The following KCTD3 variants were observed in gnomAD, a reference collection of about 807,000 sequenced individuals.
KCTD3 encodes the protein BTB/POZ domain-containing protein KCTD3.
KCTD3 carries 41 observed loss-of-function variants against 85.8 expected under a neutral mutation model. The observed-to-expected ratio is 0.48, with a 90% CI of 0.37 to 0.62. KCTD3 has a LOEUF of 0.62. KCTD3 is among the 20% of genes least tolerant of loss of function. The probability of loss-of-function intolerance (pLI) is 0.00; values close to 1 mark genes in which losing one functional copy is unlikely to be tolerated. For synonymous variants in KCTD3, 338 were observed against 345.4 expected, an observed-to-expected ratio of 0.98 and a Z score of 0.24; for missense variants, 724 against 989.9, an observed-to-expected ratio of 0.73 and a Z score of 3.60.
At chr1:215,575,584 A>G (rs543984656) in intron 3 of KCTD3, among the ~76,000 whole-genome samples, 30 of 152,174 alleles carry the variant, frequency 2.0e-4, no homozygotes, top group Non-Finnish European at 3.5e-4. Flanking sequence ...TCAGATAAAA[A>G]TGTTTCCTCA....
At chr1:215,616,505 A>G (rs555174128) in intron 15 of KCTD3, among the ~76,000 whole-genome samples, 1 of 152,290 alleles carries the variant, frequency 6.6e-6, no homozygotes, top group African/African-American at 2.4e-5. Flanking sequence ...TCACACCTGT[A>G]ATCCCAGCAC....
At chr1:215,597,416 GA>G (rs1276383498) in intron 10 of KCTD3, among the ~76,000 whole-genome samples, 3 of 152,004 alleles carry the variant, frequency 2.0e-5, no homozygotes, top group African/African-American at 7.3e-5. Flanking sequence ...TTCCCAAGTT[GA>G]TATTTTAAAT....
intron 10 of KCTD3, among the ~76,000 whole-genome samples, chr1:215,598,063 A>G (rs1245720195): frequency 1.3e-5 from 2 of 152,102 alleles, no homozygotes; most frequent in Non-Finnish European, 2.9e-5. Context: ...TATACTAAGT[A>G]TTAAGTTAAT....
Position 215,573,819 on chromosome 1 carries a change from TC to T in KCTD3, c.119del (p.Pro40GlnfsTer9). On this transcript the variant is annotated frameshift_variant, in exon 2 of 18. Transcript: ENST00000259154. LOFTEE classifies it high-confidence loss of function. ...STSRQTLMWI[P>X]DSFFSSLLSG... ...CCTCAAGACAAACTCTTATGTGGATTCCAGATTCTTTTTTTTCCAGGTATGT... is the reference window on the plus strand; with the variant it reads ...CCTCAAGACAAACTCTTATGTGGATTCAGATTCTTTTTTTTCCAGGTATGT... 1 of 1,574,268 alleles carries T rather than the reference TC, an allele frequency of 6.4e-7. No individual in the cohort carries two copies. Among genetic ancestry groups the T allele is most frequent in the Non-Finnish European group, 8.7e-7 (1 of 1,149,494 alleles).
rs1308310718 is a variant in KCTD3, at chr1:215,620,960, A to G, written c.*342A>G. ...ATCCCTTTAGATCATGGGAACCAGCAGACTGCATTCCTAATCTTCATTATG... is the reference window on the plus strand; with the variant it reads ...ATCCCTTTAGATCATGGGAACCAGCGGACTGCATTCCTAATCTTCATTATG... On this transcript the variant is annotated 3_prime_UTR_variant, in exon 18 of 18. Coordinates refer to ENST00000259154, the MANE Select transcript of KCTD3 (RefSeq NM_016121.5). 28 of 271,974 alleles carry G rather than the reference A, an allele frequency of 1.0e-4. No homozygotes were observed. Among genetic ancestry groups the G allele is most frequent in the Non-Finnish European group, 2.7e-5 (4 of 146,286 alleles). The allele number at this position is 271,974 out of a possible 1,614,324, so 16.8% of individuals were successfully genotyped here. A position where few individuals can be genotyped will look rare whatever the true frequency, so the allele number is the denominator to read the frequency against.
chr1:215,609,509 A>G (rs1400699129), intron 14 of KCTD3, among the ~76,000 whole-genome samples: 2 of 151,980 alleles, frequency 1.3e-5, no homozygotes, highest in Non-Finnish European at 2.9e-5. Context: ...AGACCTTTTG[A>G]AGAATTTTGA....
At chr1:215,593,010 G>A (rs1409413043) in intron 9 of KCTD3, among the ~76,000 whole-genome samples, 2 of 152,180 alleles carry the variant, frequency 1.3e-5, no homozygotes, top group African/African-American at 4.8e-5. Flanking sequence ...CTCCTCTGGA[G>A]TAATCGATGT....
At chr1:215,598,806 T>G (rs1654712295) in intron 10 of KCTD3, among the ~76,000 whole-genome samples, 2 of 150,824 alleles carry the variant, frequency 1.3e-5, no homozygotes, top group South Asian at 4.2e-4. Context: ...GAGCCAAGAG[T>G]GAGATAGAAA....
intron 13 of KCTD3, among the ~76,000 whole-genome samples, chr1:215,604,647 A>G (rs1654945659): frequency 6.6e-6 from 1 of 151,074 alleles, no homozygotes; most frequent in South Asian, 2.1e-4. Context: ...ACTTAAATTT[A>G]GGAGATGTGA....
chr1:215,586,272 A>G (rs1660003272), intron 8 of KCTD3, among the ~76,000 whole-genome samples: 1 of 152,178 alleles, frequency 6.6e-6, no homozygotes. Flanking sequence ...TCAAGTCGTT[A>G]TATGTGCTAT....
intron 10 of KCTD3, among the ~76,000 whole-genome samples, chr1:215,598,563 A>G (rs1484101876): frequency 6.6e-6 from 1 of 152,188 alleles, no homozygotes; most frequent in East Asian, 1.9e-4. Flanking sequence ...ACAAATAACG[A>G]AAAGTCATTA....
chr1:215,574,087 G>A lies in KCTD3; in HGVS notation c.152G>A (p.Arg51Lys). Reference protein sequence around the residue: ...DSFFSSLLSGRISTLRDETGA... With the variant: ...DSFFSSLLSGKISTLRDETGA... ...ATGACTTCCAGTTTGCTGAGTGGGA[G>A]AATTTCAACACTTCGAGATGAAACT... Residue 51 changes from arginine to lysine, a missense_variant, in exon 3 of 18, where the codon AGA (arginine) becomes AAA (lysine). Physicochemically the swap from Arg to Lys is conservative, Grantham distance 26 (BLOSUM62 2). Transcript: ENST00000259154. 6.3e-7 allele frequency: 1 copy of A among 1,588,974 alleles called. No individual in the cohort carries two copies. Among genetic ancestry groups the A allele is most frequent in the Non-Finnish European group, 8.6e-7 (1 of 1,163,026 alleles).
chr1:215,595,880 A>G (rs1385784827), intron 10 of KCTD3, among the ~76,000 whole-genome samples: 2 of 152,178 alleles, frequency 1.3e-5, no homozygotes, highest in African/African-American at 4.8e-5. Flanking sequence ...AAAGGTTAAT[A>G]CCTGATTCTT....
chr1:215,592,016 C>T (rs1208141711), intron 9 of KCTD3, among the ~76,000 whole-genome samples: 1 of 152,144 alleles, frequency 6.6e-6, no homozygotes, highest in Non-Finnish European at 1.5e-5. Flanking sequence ...TGGCAGCAGG[C>T]AAAGAGAGCT....
intron 10 of KCTD3, among the ~76,000 whole-genome samples, chr1:215,600,015 C>T (rs563761928): frequency 6.6e-6 from 1 of 151,936 alleles, no homozygotes; most frequent in South Asian, 2.1e-4. Context: ...AGTGCTAGAA[C>T]TAAAATGATT....
intron 9 of KCTD3, among the ~76,000 whole-genome samples, chr1:215,590,268 C>T (rs1660160620): frequency 6.6e-6 from 1 of 152,026 alleles, no homozygotes; most frequent in African/African-American, 2.4e-5. Context: ...ATCATTTGCC[C>T]TTTTTAATGA....
chr1:215,613,592 G>C (rs1207406840), intron 15 of KCTD3, among the ~76,000 whole-genome samples: 1 of 152,108 alleles, frequency 6.6e-6, no homozygotes, highest in African/African-American at 2.4e-5. Context: ...TGTCCAGGTT[G>C]ATATTTCCTA....
intron 13 of KCTD3, among the ~76,000 whole-genome samples, chr1:215,605,461 T>G (rs140140772): frequency 6.3e-4 from 96 of 152,274 alleles, no homozygotes; most frequent in African/African-American, 2.2e-3. Context: ...GAGTGTTGGA[T>G]TGCCCTTGAG....
At chr1:215,613,389 C>T (rs1224964070) in intron 15 of KCTD3, among the ~76,000 whole-genome samples, 1 of 152,096 alleles carries the variant, frequency 6.6e-6, no homozygotes, top group Non-Finnish European at 1.5e-5. Context: ...CTTATAGATG[C>T]TGGATATTAG....
Sources: allele counts gnomAD v4.1 joint callset (sites outside exome capture counted in the v4.1 genomes callset), GRCh38; gene constraint gnomAD v4.1.1; transcripts MANE v1.5; gene names NCBI Gene and HGNC (gene_info 2026-07-23, HGNC 2026-07-21).